The following SYT16 variants were observed in gnomAD, a reference collection of about 807,000 sequenced individuals.
SYT16 encodes synaptotagmin-16.
In SYT16, 42 loss-of-function variants were observed where a neutral mutation model predicts 61.4. The ratio of observed to expected loss-of-function variants is 0.68; its 90% confidence interval spans 0.53 to 0.89. SYT16 has a LOEUF of 0.89. SYT16 is among the 40% of genes least tolerant of loss of function. The probability of loss-of-function intolerance (pLI) is 0.00; values close to 1 mark genes in which losing one functional copy is unlikely to be tolerated. For missense variants in SYT16, 804 were observed against 807.3 expected, an observed-to-expected ratio of 1.00 and a Z score of 0.05; for synonymous variants, 314 against 302.3, an observed-to-expected ratio of 1.04 and a Z score of -0.40.
chr14:61,996,263 A>C lies in SYT16; in HGVS notation c.244A>C (p.Asn82His), dbSNP rs201921515. The change falls in exon 3 of 8, where the codon AAT (asparagine) becomes CAT (histidine). Residue 82 changes from asparagine to histidine, a missense_variant. Coordinates refer to ENST00000683842, the MANE Select transcript of SYT16 (RefSeq NM_001367656.1). ...CAATGATTGGAGTCAAGAGGATGCA[A>C]ATTCCTTGTTTCTTGAAGTGGATCA... ...QDNDWSQEDA[N>H]SLFLEVDHFS... 1.0e-4 allele frequency: 161 copies of C among 1,613,492 alleles called. No homozygotes were observed. Among genetic ancestry groups the C allele is most frequent in the Non-Finnish European group, 1.3e-4 (152 of 1,179,652 alleles).
intron 3 of SYT16, among the ~76,000 whole-genome samples, chr14:62,055,323 T>A (rs2055502094): frequency 6.6e-6 from 1 of 152,200 alleles, no homozygotes; most frequent in Admixed American, 6.5e-5. Context: ...TCAGAGAGGC[T>A]GACAGTTTCA....
At chr14:61,820,042 T>C (rs959267078) in intron 1 of SYT16, among the ~76,000 whole-genome samples, 1 of 152,242 alleles carries the variant, frequency 6.6e-6, no homozygotes, top group Admixed American at 6.5e-5. Flanking sequence ...GCCTAGTCAT[T>C]GATTCCATTT....
chr14:61,954,317 T>C (rs1278446554), intron 1 of SYT16, among the ~76,000 whole-genome samples: 1 of 151,910 alleles, frequency 6.6e-6, no homozygotes, highest in African/African-American at 2.4e-5. Context: ...CCTTTTTTTT[T>C]TTTTTTTTAC....
chr14:62,066,896 G>A (rs1383512719), intron 3 of SYT16, among the ~76,000 whole-genome samples: 1 of 152,192 alleles, frequency 6.6e-6, no homozygotes, highest in Non-Finnish European at 1.5e-5. Flanking sequence ...CGTGGCATCC[G>A]AGGGAGCACT....
chr14:62,027,369 G>T (rs1175925613), intron 3 of SYT16, among the ~76,000 whole-genome samples: 5 of 152,204 alleles, frequency 3.3e-5, no homozygotes, highest in Non-Finnish European at 5.9e-5. Flanking sequence ...TAGAGCCCAA[G>T]AAGAGAGATG....
intron 1 of SYT16, chr14:61,864,947 T>A: frequency 7.6e-7 from 1 of 1,313,328 alleles, no homozygotes; most frequent in Non-Finnish European, 1.1e-6. Flanking sequence ...CCTGCAGGCC[T>A]TGAAAGTGCT....
chr14:61,817,062 A>G (rs1012297449), intron 1 of SYT16, among the ~76,000 whole-genome samples: 1 of 151,628 alleles, frequency 6.6e-6, no homozygotes, highest in Admixed American at 6.6e-5. Context: ...TTATTTATTA[A>G]TTGGAAAATG....
At chr14:62,084,527 T>C (rs2056822651) in intron 7 of SYT16, 142 bp downstream of exon 7, 1 of 919,144 alleles carries the variant, frequency 1.1e-6, no homozygotes, top group South Asian at 1.8e-5. Context: ...GAGATACCTC[T>C]GTATTTTTTA....
intron 1 of SYT16, among the ~76,000 whole-genome samples, chr14:61,945,626 C>T (rs547050284): frequency 7.2e-5 from 11 of 152,062 alleles, no homozygotes; most frequent in Admixed American, 1.3e-4. Context: ...GAGGCCGAGG[C>T]GGGCGGATCA....
rs1367791127 is a variant in SYT16, at chr14:62,109,249, T to G, written c.*8542T>G. The G allele has an allele frequency of 6.6e-6, 1 of 151,818 alleles. No homozygotes were observed. The highest frequency in any genetic ancestry group is 1.5e-5 in the Non-Finnish European group (1 of 67,988). 9.4% of individuals were successfully genotyped at this position (151,818 alleles called of 1,614,324 possible). On this transcript the variant is annotated 3_prime_UTR_variant, in exon 8 of 8. Transcript: ENST00000683842. Reference sequence around the variant, plus strand: ...TGTACTGTCCCCAGAGTTTTGCCTTTTCCAGAATGTCATACAGTATGTAGC... The same window carrying G: ...TGTACTGTCCCCAGAGTTTTGCCTTGTCCAGAATGTCATACAGTATGTAGC...
At position 62,111,506 on chromosome 14, in the gene SYT16, A is replaced by C. The variant is rs1432389175; in HGVS notation, c.*10799A>C. 1 of 152,158 alleles carries C rather than the reference A, an allele frequency of 6.6e-6. No individual in the cohort carries two copies. Among genetic ancestry groups the C allele is most frequent in the Non-Finnish European group, 1.5e-5 (1 of 67,974 alleles). 9.4% of individuals were successfully genotyped at this position (152,158 alleles called of 1,614,324 possible). ...CTGAGTTTTGGTGGTTGTCAAAGGC[A>C]GTCAGTAATTTTATAAATTTCACTT... On this transcript the variant is annotated 3_prime_UTR_variant, in exon 8 of 8. Coordinates refer to ENST00000683842, the MANE Select transcript of SYT16 (RefSeq NM_001367656.1).
At chr14:61,835,876 A>C (rs910184055) in intron 1 of SYT16, among the ~76,000 whole-genome samples, 2 of 152,230 alleles carry the variant, frequency 1.3e-5, no homozygotes, top group African/African-American at 4.8e-5. Flanking sequence ...TACCTGGCTC[A>C]CAGAAACTTT....
At chr14:62,086,082 C>T (rs183200966) in intron 7 of SYT16, among the ~76,000 whole-genome samples, 113 of 152,164 alleles carry the variant, frequency 7.4e-4, no homozygotes, top group African/African-American at 2.5e-3. Context: ...TGGGTGGTAC[C>T]GGGCAATCCA....
chr14:61,989,277 G>A (rs1450986109), intron 2 of SYT16, among the ~76,000 whole-genome samples: 3 of 152,176 alleles, frequency 2.0e-5, no homozygotes, highest in Non-Finnish European at 4.4e-5. Context: ...ACTGGGCTCT[G>A]TTATAGCTGC....
intron 1 of SYT16, among the ~76,000 whole-genome samples, chr14:61,826,148 G>A (rs1446301251): frequency 6.7e-6 from 1 of 150,318 alleles, no homozygotes; most frequent in Non-Finnish European, 1.5e-5. Context: ...TGTCCTGGCA[G>A]CTCAGGTGCA....
chr14:62,054,450 T>C (rs1283659719), intron 3 of SYT16, among the ~76,000 whole-genome samples: 1 of 149,580 alleles, frequency 6.7e-6, no homozygotes. Flanking sequence ...AGCCTCAATC[T>C]CCCAGGCTCA....
chr14:61,976,348 C>T (rs1003983256), intron 2 of SYT16, among the ~76,000 whole-genome samples: 1 of 152,178 alleles, frequency 6.6e-6, no homozygotes, highest in Non-Finnish European at 1.5e-5. Context: ...CCTCTCCTTA[C>T]AGATTATTAA....
chr14:62,090,959 A>C (rs2057050791), intron 7 of SYT16, among the ~76,000 whole-genome samples: 1 of 152,198 alleles, frequency 6.6e-6, no homozygotes. Context: ...CACTATCATG[A>C]GAACAGCACG....
At chr14:62,069,521 T>C (rs2056206812) in intron 3 of SYT16, 82 bp from the exon 4 acceptor site, 1 of 1,348,284 alleles carries the variant, frequency 7.4e-7, no homozygotes, top group Non-Finnish European at 1.0e-6. Flanking sequence ...CACGTTCTTC[T>C]CTTCTGTTTT....
Sources: gnomAD v4.1 joint callset for allele counts (sites outside exome capture counted in the v4.1 genomes callset) on GRCh38, gnomAD v4.1.1 for gene constraint, MANE v1.5 for transcripts, NCBI Gene and HGNC (gene_info 2026-07-23, HGNC 2026-07-21) for gene names.